Variants in OLFM3 observed in about 807,000 individuals in gnomAD.
The protein encoded by OLFM3 is noelin-3.
In OLFM3, 20 loss-of-function variants were observed where a neutral mutation model predicts 48.6. The observed-to-expected ratio is 0.41, with a 90% CI of 0.29 to 0.60. OLFM3 has a LOEUF of 0.60. Ranked by LOEUF, OLFM3 falls within the 20% of genes least tolerant of loss-of-function variation. The pLI is 0.28. For missense variants in OLFM3, 437 were observed against 544.3 expected (o/e 0.80, Z 1.96); for synonymous variants, 222 against 198.1 (o/e 1.12, Z -1.01).
intron 1 of OLFM3, among the ~76,000 whole-genome samples, chr1:101,848,266 G>T (rs1236975921): frequency 6.6e-6 from 1 of 152,126 alleles, no homozygotes; most frequent in Non-Finnish European, 1.5e-5. Flanking sequence ...AAAAGGAAAA[G>T]TATTGTTTTG....
At position 101,955,104 on chromosome 1, in the gene OLFM3, T is replaced by C. The variant is rs114637090; in HGVS notation, c.69+41644A>G. Among the ~76,000 whole-genome samples, 1,325 of 152,142 alleles carry C rather than the reference T, an allele frequency of 8.7e-3. 21 individuals carry two copies. Among genetic ancestry groups the C allele is most frequent in the African/African-American group, 0.028 (1,164 of 41,544 alleles). On this transcript the variant is annotated intron_variant, in intron 1 of 5. Coordinates refer to ENST00000370103, the MANE Select transcript of OLFM3 (RefSeq NM_058170.4). The stretch of plus-strand genomic sequence containing the variant: ...CATTTTGGCATGCTAGAATTCTACA[T>C]TGAAAGTTTGTAAGATAGAATGTTA...
At chr1:101,819,740 C>T (rs1189222794) in intron 4 of OLFM3, among the ~76,000 whole-genome samples, 1 of 151,992 alleles carries the variant, frequency 6.6e-6, no homozygotes, top group Non-Finnish European at 1.5e-5. Context: ...CCACAAAAGA[C>T]ATTATGTATG....
intron 4 of OLFM3, chr1:101,812,485 ATT>A: frequency 3.0e-6 from 3 of 985,364 alleles, no homozygotes. Context: ...ATGTCTGCAT[ATT>A]TCAGATGTTG....
At chr1:101,959,154 G>A (rs924339346) in intron 1 of OLFM3, among the ~76,000 whole-genome samples, 5 of 151,834 alleles carry the variant, frequency 3.3e-5, no homozygotes, top group Non-Finnish European at 5.9e-5. Context: ...TAAACTGCAT[G>A]TGAGGCTGCA....
At chr1:101,991,015 AAATAT>A (rs1661388285) in intron 1 of OLFM3, among the ~76,000 whole-genome samples, 1 of 98,278 alleles carries the variant, frequency 1.0e-5, no homozygotes, top group African/African-American at 4.1e-5. Flanking sequence ...AAAAAAAAAA[AAATAT>A]ATATATATAT....
intron 4 of OLFM3, among the ~76,000 whole-genome samples, chr1:101,810,720 A>G (rs1268660946): frequency 6.6e-6 from 1 of 151,990 alleles, no homozygotes; most frequent in African/African-American, 2.4e-5. Flanking sequence ...TGTAAGGAAT[A>G]GATTGAAACT....
intron 4 of OLFM3, chr1:101,813,263 T>G: frequency 8.6e-6 from 3 of 347,978 alleles, no homozygotes; most frequent in Non-Finnish European, 1.6e-5. Flanking sequence ...TTATTGAAAT[T>G]CAGTCATGAG....
At chr1:101,837,112 T>A in intron 1 of OLFM3, 87 bp from the exon 2 acceptor site, 6 of 1,323,134 alleles carry the variant, frequency 4.5e-6, no homozygotes, top group Non-Finnish European at 6.2e-6. Flanking sequence ...AGTAAAACAC[T>A]TTTTTGATAA....
intron 1 of OLFM3, among the ~76,000 whole-genome samples, chr1:101,957,728 A>AAG (rs1229559246): frequency 6.6e-6 from 1 of 152,082 alleles, no homozygotes; most frequent in African/African-American, 2.4e-5. Flanking sequence ...ATTAGGAAGT[A>AAG]AGAGAGTAAC....
At chr1:101,807,197 G>C (rs188363729) in intron 4 of OLFM3, among the ~76,000 whole-genome samples, 2 of 151,728 alleles carry the variant, frequency 1.3e-5, no homozygotes, top group African/African-American at 4.8e-5. Context: ...AGTAAGCATA[G>C]CACCCAATAT....
intron 1 of OLFM3, among the ~76,000 whole-genome samples, chr1:101,968,745 G>A (rs765566599): frequency 6.6e-6 from 1 of 152,166 alleles, no homozygotes; most frequent in Non-Finnish European, 1.5e-5. Context: ...CTGAGAGGAA[G>A]AATGTTATAC....
intron 1 of OLFM3, among the ~76,000 whole-genome samples, chr1:101,939,366 G>A (rs1659719855): frequency 6.6e-6 from 1 of 152,022 alleles, no homozygotes; most frequent in African/African-American, 2.4e-5. Flanking sequence ...TAATTCATGT[G>A]TTCATCCAAC....
chr1:101,887,665 T>A (rs1657816877), intron 1 of OLFM3, among the ~76,000 whole-genome samples: 1 of 152,040 alleles, frequency 6.6e-6, no homozygotes. Context: ...GGAAAATACT[T>A]ACTTTCCAAA....
At chr1:101,818,350 C>T (rs759241947) in intron 4 of OLFM3, among the ~76,000 whole-genome samples, 8 of 151,870 alleles carry the variant, frequency 5.3e-5, no homozygotes, top group Non-Finnish European at 7.4e-5. Context: ...TAAAATTTAC[C>T]AATTACCAAA....
chr1:101,890,706 A>C (rs1229328431), intron 1 of OLFM3, among the ~76,000 whole-genome samples: 1 of 148,894 alleles, frequency 6.7e-6, no homozygotes, highest in African/African-American at 2.6e-5. Flanking sequence ...AAAATTAAAC[A>C]AACAAAAACG....
At chr1:101,882,837 T>C (rs1268488827) in intron 1 of OLFM3, 1 of 151,888 alleles carries the variant, frequency 6.6e-6, no homozygotes, top group African/African-American at 2.4e-5. Flanking sequence ...TGGTGTTTTA[T>C]GAAGTCCGGT....
At chr1:101,888,869 G>C (rs1029270677) in intron 1 of OLFM3, among the ~76,000 whole-genome samples, 10 of 152,152 alleles carry the variant, frequency 6.6e-5, no homozygotes, top group Admixed American at 1.3e-4. Context: ...CTCAAAAGAA[G>C]ACATTTATGC....
chr1:101,925,350 C>A (rs1159774076), intron 1 of OLFM3, among the ~76,000 whole-genome samples: 1 of 151,414 alleles, frequency 6.6e-6, no homozygotes, highest in Admixed American at 6.6e-5. Flanking sequence ...ATATCACTGT[C>A]TTTAAGAAGC....
At chr1:101,815,638 C>A (rs575289803) in intron 4 of OLFM3, among the ~76,000 whole-genome samples, 2 of 152,046 alleles carry the variant, frequency 1.3e-5, no homozygotes, top group Non-Finnish European at 2.9e-5. Context: ...AAGATAACAT[C>A]TAGATTTTTG....
Sources: allele counts gnomAD v4.1 joint callset (sites outside exome capture counted in the v4.1 genomes callset), GRCh38; gene constraint gnomAD v4.1.1; transcripts MANE v1.5; gene names NCBI Gene and HGNC (gene_info 2026-07-23, HGNC 2026-07-21).